GLDC: variants seen among roughly 807,000 people sequenced by gnomAD.
GLDC encodes glycine dehydrogenase (decarboxylating), mitochondrial.
GLDC carries 104 observed loss-of-function variants against 121.3 expected under a neutral mutation model. The observed-to-expected ratio is 0.86, with a 90% CI of 0.73 to 1.01. The LOEUF is 1.01. Among genes scored for constraint, GLDC ranks in the 50% least tolerant of loss-of-function variants. The pLI, the probability that GLDC is intolerant of heterozygous loss-of-function variation, is 0.00. For synonymous variants in GLDC, 546 were observed against 480.6 expected (o/e 1.14, Z -1.78); for missense variants, 1,429 against 1,306.6 (o/e 1.09, Z -1.44).
chr9:6,573,446 G>C lies in GLDC; in HGVS notation c.1851-8017C>G, dbSNP rs560235715. On this transcript the variant is annotated intron_variant, in intron 15 of 24. Coordinates refer to ENST00000321612, the MANE Select transcript of GLDC (RefSeq NM_000170.3). ...ACTGTACTCCAGCCTGGGCAACAGA[G>C]CAAGACTCTATCTTAAAAAATAAAT... Among the ~76,000 whole-genome samples the C allele has an allele frequency of 6.7e-4, 102 of 152,098 alleles. 1 individual carries two copies. The highest frequency in any genetic ancestry group is 2.0e-3 in the African/African-American group (84 of 41,496).
chr9:6,551,414 C>G (rs1020924321), intron 20 of GLDC, among the ~76,000 whole-genome samples: 1 of 152,094 alleles, frequency 6.6e-6, no homozygotes, highest in African/African-American at 2.4e-5. Context: ...GTTAAGAGTC[C>G]CTGTGATCAT....
At chr9:6,560,873 G>A (rs947817914) in intron 16 of GLDC, among the ~76,000 whole-genome samples, 1 of 152,150 alleles carries the variant, frequency 6.6e-6, no homozygotes, top group Non-Finnish European at 1.5e-5. Context: ...AAATTCTTCT[G>A]GATTTTGGGC....
intron 15 of GLDC, among the ~76,000 whole-genome samples, chr9:6,577,030 C>G (rs928142479): frequency 6.6e-6 from 1 of 152,126 alleles, no homozygotes; most frequent in African/African-American, 2.4e-5. Flanking sequence ...AGAGAAAGGT[C>G]CCTGCTGCAG....
chr9:6,542,960 A>T (rs921540773), intron 21 of GLDC, among the ~76,000 whole-genome samples: 6 of 151,990 alleles, frequency 3.9e-5, no homozygotes, highest in African/African-American at 1.5e-4. Context: ...AAAAATGCTG[A>T]AACAGAATAG....
intron 2 of GLDC, among the ~76,000 whole-genome samples, chr9:6,641,157 G>A (rs777639052): frequency 2.6e-5 from 4 of 152,260 alleles, no homozygotes; most frequent in African/African-American, 4.8e-5. Context: ...TGAACCACCC[G>A]TCCTCCCCTG....
chr9:6,573,007 C>G (rs920895242), intron 15 of GLDC, among the ~76,000 whole-genome samples: 2 of 152,120 alleles, frequency 1.3e-5, no homozygotes, highest in African/African-American at 4.8e-5. Flanking sequence ...TATTTGCTGC[C>G]CTTTTCAAAG....
intron 2 of GLDC, among the ~76,000 whole-genome samples, chr9:6,629,478 A>C (rs1195605771): frequency 6.6e-6 from 1 of 151,978 alleles, no homozygotes; most frequent in Non-Finnish European, 1.5e-5. Flanking sequence ...GCCCCCAAGT[A>C]GCTGTTAAAT....
chr9:6,635,637 C>T (rs1819485783), intron 2 of GLDC, among the ~76,000 whole-genome samples: 2 of 151,958 alleles, frequency 1.3e-5, no homozygotes, highest in Admixed American at 6.6e-5. Flanking sequence ...TGTTGGCAGA[C>T]CAAAATGAGA....
rs1818402760 is a variant in GLDC at position 6,592,851 on chromosome 9, T to C, written c.1401A>G (p.Thr467=). 6.2e-7 allele frequency: 1 copy of C among 1,612,728 alleles called. No individual in the cohort carries two copies. The highest frequency in any genetic ancestry group is 1.7e-5 in the Admixed American group (1 of 60,010). ...TAAAAATACTGAAAATTTGACTTACTGTGCCATCCTCAAAAAGCCGAAAAT... is the reference window on the plus strand; with the variant it reads ...TAAAAATACTGAAAATTTGACTTACCGTGCCATCCTCAAAAAGCCGAAAAT... The part of the protein sequence containing the change: ...QINFRLFEDG[T]LGISLDETVN... The change falls in exon 10 of 25, where the codon ACA becomes ACG. Residue 467 remains threonine, a splice_region_variant and synonymous_variant. Transcript: ENST00000321612.
At chr9:6,551,985 G>T (rs1238382415) in intron 20 of GLDC, among the ~76,000 whole-genome samples, 5 of 152,146 alleles carry the variant, frequency 3.3e-5, no homozygotes, top group Admixed American at 3.3e-4. Flanking sequence ...CCTTGGAATG[G>T]GGCCTAGGCA....
intron 21 of GLDC, among the ~76,000 whole-genome samples, chr9:6,546,365 C>CTTT (rs34760385): frequency 7.2e-6 from 1 of 138,078 alleles, no homozygotes; most frequent in African/African-American, 2.7e-5. Flanking sequence ...TTAATTTTTT[C>CTTT]TTTTTTTTTT....
intron 2 of GLDC, among the ~76,000 whole-genome samples, chr9:6,634,323 G>C (rs1382502897): frequency 6.6e-6 from 1 of 151,968 alleles, no homozygotes; most frequent in Non-Finnish European, 1.5e-5. Context: ...TGAGCTCGGA[G>C]TTCAAGACCA....
intron 8 of GLDC, among the ~76,000 whole-genome samples, chr9:6,600,099 G>A (rs1343346347): frequency 6.6e-6 from 1 of 152,140 alleles, no homozygotes; most frequent in Non-Finnish European, 1.5e-5. Flanking sequence ...AGGCACGGTG[G>A]CTCATGCCTA....
chr9:6,628,518 A>G (rs1336335403), intron 2 of GLDC, among the ~76,000 whole-genome samples: 2 of 152,210 alleles, frequency 1.3e-5, no homozygotes, highest in Admixed American at 6.5e-5. Context: ...GGCTGGGGGC[A>G]GTGGCTCACG....
chr9:6,605,454 A>C, intron 5 of GLDC, 176 bp from the exon 6 acceptor site: 3 of 667,502 alleles, frequency 4.5e-6, no homozygotes, highest in Non-Finnish European at 5.4e-6. Context: ...ACAGCAACTC[A>C]AGCGCATCCA....
intron 19 of GLDC, 100 bp from the exon 20 acceptor site, chr9:6,553,609 G>T: frequency 8.5e-7 from 1 of 1,173,776 alleles, no homozygotes. Context: ...TCTTAGCAGA[G>T]GAGCTCTGAC....
intron 11 of GLDC, among the ~76,000 whole-genome samples, chr9:6,589,639 C>T (rs1024246244): frequency 4.6e-5 from 7 of 152,136 alleles, no homozygotes; most frequent in South Asian, 2.1e-4. Context: ...GCCGCCCAGG[C>T]TGGTCACAAA....
intron 15 of GLDC, among the ~76,000 whole-genome samples, chr9:6,582,192 G>A (rs1425895523): frequency 7.0e-6 from 1 of 143,010 alleles, no homozygotes; most frequent in African/African-American, 2.6e-5. Flanking sequence ...TCCAACTTGG[G>A]CGACAGAGCA....
At chr9:6,565,289 G>A in intron 16 of GLDC, 65 bp downstream of exon 16, 1 of 1,121,520 alleles carries the variant, frequency 8.9e-7, no homozygotes, top group Non-Finnish European at 1.4e-6. Context: ...TCCCACAGAA[G>A]GGACCCTGAG....
Sources: gnomAD v4.1 joint callset for allele counts (sites outside exome capture counted in the v4.1 genomes callset) on GRCh38, gnomAD v4.1.1 for gene constraint, MANE v1.5 for transcripts, NCBI Gene and HGNC (gene_info 2026-07-23, HGNC 2026-07-21) for gene names.